The following PDE9A variants were observed in gnomAD, a reference collection of about 807,000 sequenced individuals.
PDE9A encodes high affinity cGMP-specific 3',5'-cyclic phosphodiesterase 9A.
PDE9A carries 60 observed loss-of-function variants against 87.4 expected under a neutral mutation model. The ratio of observed to expected loss-of-function variants is 0.69; its 90% CI spans 0.56 to 0.85. PDE9A has a LOEUF of 0.85. Among genes scored for constraint, PDE9A ranks in the 40% least tolerant of loss-of-function variants. PDE9A has a pLI of 0.00. For synonymous variants in PDE9A, 272 were observed against 279.4 expected, an observed-to-expected ratio of 0.97 and a Z score of 0.27; for missense variants, 665 against 779.0, an observed-to-expected ratio of 0.85 and a Z score of 1.74.
chr21:42,686,359 G>A (rs890919931), intron 2 of PDE9A, 97 bp downstream of exon 2: 18 of 926,704 alleles, frequency 1.9e-5, no homozygotes, highest in African/African-American at 3.3e-5. Context: ...TGAAGGGCCC[G>A]AGGCACCGGC....
At position 42,739,505 on chromosome 21, in the gene PDE9A, G is replaced by A. The variant is rs1012985983; in HGVS notation, c.569-4271G>A. On this transcript the variant is annotated intron_variant, in intron 7 of 19. Transcript: ENST00000291539. The surrounding 1 kb of genome is among the most constrained non-coding windows in gnomAD (Gnocchi z 4.1). Reference sequence around the variant, plus strand: ...TCCTGCAGACCTCCCCGCCAGCCCCGTCATTTCATGGCATCTTGCTTTCTC... The same window carrying A: ...TCCTGCAGACCTCCCCGCCAGCCCCATCATTTCATGGCATCTTGCTTTCTC... Among the ~76,000 whole-genome samples, 1 of 152,198 alleles carries A rather than the reference G, an allele frequency of 6.6e-6. No homozygotes were observed. The highest frequency in any genetic ancestry group is 1.5e-5 in the Non-Finnish European group (1 of 68,026).
chr21:42,768,228 A>T lies in PDE9A; in HGVS notation c.1397A>T (p.Glu466Val). 6.2e-7 allele frequency: 1 copy of T among 1,611,512 alleles called. No individual in the cohort carries two copies. Among genetic ancestry groups the T allele is most frequent in the Non-Finnish European group, 8.5e-7 (1 of 1,177,498 alleles). ...ILIKCCDISN[E>V]VRPMEVAEPW... is the part of the protein sequence containing the mutation. ...ATAAAATGCTGTGATATCTCTAACG[A>T]GGTCCGTCCAATGGAAGTCGCAGAG... Residue 466 changes from glutamate (E) to valine (V), a missense_variant, in exon 16 of 20, where the codon GAG (glutamate) becomes GTG (valine). Glu to Val is a moderately radical substitution (Grantham distance 121). Transcript: ENST00000291539.
intron 1 of PDE9A, among the ~76,000 whole-genome samples, chr21:42,656,746 G>A (rs761335867): frequency 3.9e-5 from 6 of 152,158 alleles, no homozygotes; most frequent in Admixed American, 6.5e-5. Flanking sequence ...GAAGCTGGGC[G>A]TGTGAAGTGA....
intron 10 of PDE9A, among the ~76,000 whole-genome samples, chr21:42,756,450 C>G (rs1422159676): frequency 6.6e-6 from 1 of 152,256 alleles, no homozygotes; most frequent in African/African-American, 2.4e-5. Flanking sequence ...AGGGGCGCCC[C>G]CACTTTTCTC....
At chr21:42,749,028 T>A (rs1157469432) in intron 8 of PDE9A, among the ~76,000 whole-genome samples, 1 of 152,182 alleles carries the variant, frequency 6.6e-6, no homozygotes, top group Non-Finnish European at 1.5e-5. Flanking sequence ...CCGCTTCCCG[T>A]CTTGGGACAT....
At chr21:42,668,289 A>G (rs1178160241) in intron 1 of PDE9A, among the ~76,000 whole-genome samples, 2 of 152,122 alleles carry the variant, frequency 1.3e-5, no homozygotes, top group Non-Finnish European at 1.5e-5. Flanking sequence ...ATTCCAGGGA[A>G]GGGTTGCATT....
At chr21:42,743,931 G>A (rs2053578129) in intron 8 of PDE9A, 71 bp downstream of exon 8, 2 of 885,704 alleles carry the variant, frequency 2.3e-6, no homozygotes, top group Admixed American at 2.0e-5. Context: ...GGCTGGGGCT[G>A]TGGGCTTTGT....
chr21:42,688,937 A>G (rs1318694034), intron 3 of PDE9A, among the ~76,000 whole-genome samples: 4 of 151,588 alleles, frequency 2.6e-5, no homozygotes, highest in Non-Finnish European at 2.9e-5. Flanking sequence ...CCCCCAGTGG[A>G]CGTGGCCAGT....
At chr21:42,764,601 A>T (rs540498419) in intron 14 of PDE9A, among the ~76,000 whole-genome samples, 1 of 152,386 alleles carries the variant, frequency 6.6e-6, no homozygotes, top group South Asian at 2.1e-4. Context: ...CGCTCTGCAC[A>T]GGGGATCGTT....
At chr21:42,754,185 T>TTA in intron 10 of PDE9A, 121 bp downstream of exon 10, 14 of 517,862 alleles carry the variant, frequency 2.7e-5, no homozygotes, top group East Asian at 3.4e-5. Flanking sequence ...TTTTAAAGAC[T>TTA]GAAAAAAAAA....
intron 1 of PDE9A, among the ~76,000 whole-genome samples, chr21:42,681,391 G>A (rs1002538508): frequency 1.3e-5 from 2 of 152,250 alleles, no homozygotes; most frequent in Non-Finnish European, 2.9e-5. Flanking sequence ...CGCAGCCGAT[G>A]GCCCAGGATG....
intron 3 of PDE9A, chr21:42,697,479 G>T (rs1264741920): frequency 1.2e-6 from 2 of 1,602,990 alleles, no homozygotes; most frequent in Non-Finnish European, 1.7e-6. Context: ...GGAGTCATGG[G>T]CGTCCCACCA....
chr21:42,733,109 G>A (rs568452614), intron 6 of PDE9A, among the ~76,000 whole-genome samples: 4 of 152,166 alleles, frequency 2.6e-5, no homozygotes, highest in Non-Finnish European at 5.9e-5. Context: ...CAGGCCCGAA[G>A]AAGTAAATAT....
chr21:42,717,092 G>A (rs2050002124), intron 4 of PDE9A, among the ~76,000 whole-genome samples: 1 of 151,148 alleles, frequency 6.6e-6, no homozygotes, highest in Admixed American at 6.6e-5. Context: ...GTTGTTTTCT[G>A]AAGAAATTAT....
At chr21:42,681,100 G>A (rs1226506182) in intron 1 of PDE9A, among the ~76,000 whole-genome samples, 1 of 152,220 alleles carries the variant, frequency 6.6e-6, no homozygotes, top group African/African-American at 2.4e-5. Context: ...TTTCAAACCT[G>A]TCATTTCACT....
rs1214907053 is a variant in PDE9A at position 42,660,546 on chromosome 21, C to T, written c.69+6663C>T. On this transcript the variant is annotated intron_variant, in intron 1 of 19. Transcript: ENST00000291539. This position sits in a 1 kb window ranked among gnomAD's most constrained non-coding sequence, Gnocchi z 4.7. ...CGTGTACACCGCTCGGGTGACAGTG[C>T]ACCAGAATCTCAGAAATCACCACTA... Among the ~76,000 whole-genome samples the T allele has an allele frequency of 6.6e-6, 1 of 151,522 alleles. No individual in the cohort carries two copies. Among genetic ancestry groups the T allele is most frequent in the East Asian group, 1.9e-4 (1 of 5,174 alleles).
In PDE9A at chr21:42,692,667, G is replaced by A. The variant is rs900711268; in HGVS notation, c.218+4673G>A. ...GGAGGACGAGGCTGGCCCGGGACACGCCACTGATGCTCTTCTGACCCAGGG... is the reference window on the plus strand; with the variant it reads ...GGAGGACGAGGCTGGCCCGGGACACACCACTGATGCTCTTCTGACCCAGGG... On this transcript the variant is annotated intron_variant, in intron 3 of 19. Coordinates refer to ENST00000291539, the MANE Select transcript of PDE9A (RefSeq NM_002606.3). This position sits in a 1 kb window ranked among gnomAD's most constrained non-coding sequence, Gnocchi z 4.3. Among the ~76,000 whole-genome samples the A allele has an allele frequency of 6.6e-6, 1 of 152,068 alleles. No homozygotes were observed. The highest frequency in any genetic ancestry group is 1.5e-5 in the Non-Finnish European group (1 of 68,000).
intron 9 of PDE9A, among the ~76,000 whole-genome samples, chr21:42,751,851 A>G (rs1277402043): frequency 6.6e-6 from 1 of 150,486 alleles, no homozygotes; most frequent in African/African-American, 2.4e-5. Context: ...GGTTCAAGCA[A>G]TTCTCCTACC....
intron 7 of PDE9A, chr21:42,741,126 AGACT>A (rs1357608320): frequency 1.3e-5 from 2 of 152,258 alleles, no homozygotes; most frequent in Non-Finnish European, 2.9e-5. Context: ...CGTGTGAACC[AGACT>A]GAGCTCCTTT....
Sources: allele counts gnomAD v4.1 joint callset (sites outside exome capture counted in the v4.1 genomes callset), GRCh38; gene constraint gnomAD v4.1.1; non-coding constraint Gnocchi (gnomAD v3.1); transcripts MANE v1.5; gene names NCBI Gene and HGNC (gene_info 2026-07-23, HGNC 2026-07-21).